The following SLC4A7 variants were observed in gnomAD, a reference collection of about 807,000 sequenced individuals.
The protein encoded by SLC4A7 is solute carrier family 4 member 7.
Under a neutral mutation model 137.6 loss-of-function variants are expected in SLC4A7, and 51 were observed. That is an observed-to-expected ratio of 0.37 (90% CI 0.30 to 0.47). The LOEUF (loss-of-function observed/expected upper bound fraction) is 0.47, where lower values mean the gene tolerates loss of function less well. Ranked by LOEUF, SLC4A7 falls within the 20% of genes least tolerant of loss-of-function variation. The probability of loss-of-function intolerance (pLI) is 1.00; values close to 1 mark genes in which losing one functional copy is unlikely to be tolerated. For missense variants in SLC4A7, 1,247 were observed against 1,525.4 expected, an observed-to-expected ratio of 0.82 and a Z score of 3.04; for synonymous variants, 542 against 518.6, an observed-to-expected ratio of 1.05 and a Z score of -0.61.
chr3:27,395,141 CA>C (rs1386666742), intron 18 of SLC4A7, 26 bp from the exon 19 acceptor site: 1 of 1,529,934 alleles, frequency 6.5e-7, no homozygotes, highest in African/African-American at 1.4e-5. Context: ...ATATAATTTT[CA>C]AAAAGTCTCC....
At chr3:27,445,929 C>T (rs978660609) in intron 3 of SLC4A7, among the ~76,000 whole-genome samples, 4 of 46,782 alleles carry the variant, frequency 8.6e-5, no homozygotes, top group Non-Finnish European at 1.4e-4. Flanking sequence ...GAGGCTCAGT[C>T]TCAAAAAAAA....
chr3:27,409,577 T>C (rs751768296), intron 12 of SLC4A7, 47 bp from the exon 13 acceptor site: 5 of 1,477,420 alleles, frequency 3.4e-6, no homozygotes, highest in Non-Finnish European at 3.7e-6. Context: ...TAGAGGATTC[T>C]AGCTACTTCA....
chr3:27,478,017 G>T (rs1207327607), intron 1 of SLC4A7, among the ~76,000 whole-genome samples: 1 of 152,100 alleles, frequency 6.6e-6, no homozygotes, highest in Non-Finnish European at 1.5e-5. Flanking sequence ...CATTTCTCAT[G>T]TTCCTAATCA....
At chr3:27,456,861 A>G (rs2058442062) in intron 1 of SLC4A7, 1 of 1,383,606 alleles carries the variant, frequency 7.2e-7, no homozygotes, top group Non-Finnish European at 9.3e-7. Flanking sequence ...TTCCAAGCTA[A>G]TAACTACAAC....
chr3:27,474,439 T>C lies in SLC4A7; in HGVS notation c.60+9628A>G, dbSNP rs150307581. On this transcript the variant is annotated intron_variant, in intron 1 of 25. Transcript: ENST00000454389. Reference sequence around the variant, plus strand: ...CATTTTAAATATTTTGTCAAAATGGTTAAATCATTTAAAGGTAATCCCAGC... The same window carrying C: ...CATTTTAAATATTTTGTCAAAATGGCTAAATCATTTAAAGGTAATCCCAGC... Among the ~76,000 whole-genome samples the C allele has an allele frequency of 4.7e-3, 720 of 152,282 alleles. 2 individuals carry two copies. The highest frequency in any genetic ancestry group is 0.016 in the African/African-American group (657 of 41,552).
chr3:27,460,564 C>T (rs563240271), intron 1 of SLC4A7, among the ~76,000 whole-genome samples: 6 of 152,270 alleles, frequency 3.9e-5, no homozygotes, highest in Middle Eastern at 3.4e-3. Context: ...CTATTTCAAA[C>T]GCTAAAGTAA....
intron 1 of SLC4A7, among the ~76,000 whole-genome samples, chr3:27,464,198 A>G (rs920542751): frequency 1.3e-5 from 2 of 152,210 alleles, no homozygotes; most frequent in African/African-American, 4.8e-5. Flanking sequence ...TTGTTTTAAT[A>G]TCACATTGTC....
intron 13 of SLC4A7, among the ~76,000 whole-genome samples, chr3:27,405,785 T>C (rs935072096): frequency 1.6e-4 from 24 of 152,102 alleles, no homozygotes; most frequent in Non-Finnish European, 1.5e-4. Context: ...AAAAAATTTA[T>C]AGCAACCATA....
In SLC4A7 at chr3:27,418,658, A is replaced by C. The variant is rs764472316; in HGVS notation, c.1513-26T>G. 2.0e-6 allele frequency: 3 copies of C among 1,474,772 alleles called. No homozygotes were observed. In the Admixed American group the frequency reaches 5.8e-5, roughly 29 times the overall value. The allele number at this position is 1,474,772 out of a possible 1,614,324, so 91.4% of individuals were successfully genotyped here. The stretch of plus-strand genomic sequence containing the variant: ...CTAAGTGAAAAAAATATTGAGTAAA[A>C]GATTTTAAAGTTGAAAAAAATTTCT... On this transcript the variant is annotated intron_variant, in intron 10 of 25. Coordinates refer to ENST00000454389, the MANE Select transcript of SLC4A7 (RefSeq NM_001321103.2).
chr3:27,481,252 A>AT (rs35193546), intron 1 of SLC4A7, among the ~76,000 whole-genome samples: 45,127 of 152,000 alleles, frequency 0.3, 8,332 homozygotes, highest in East Asian at 0.74. Context: ...GACAAGTTAC[A>AT]TTTTTTCAAG....
chr3:27,454,328 T>C (rs2058275416), intron 1 of SLC4A7, among the ~76,000 whole-genome samples: 1 of 151,966 alleles, frequency 6.6e-6, no homozygotes, highest in African/African-American at 2.4e-5. Context: ...TAGCTGGGCG[T>C]GGTAGCGGGC....
intron 7 of SLC4A7, among the ~76,000 whole-genome samples, chr3:27,429,086 T>C (rs2055971386): frequency 6.6e-6 from 1 of 151,802 alleles, no homozygotes; most frequent in African/African-American, 2.4e-5. Flanking sequence ...GCCAACATGG[T>C]GAAACCCCGT....
At chr3:27,459,643 T>C (rs1276161026) in intron 1 of SLC4A7, among the ~76,000 whole-genome samples, 1 of 152,170 alleles carries the variant, frequency 6.6e-6, no homozygotes, top group Admixed American at 6.5e-5. Flanking sequence ...CTTACTGTTT[T>C]ATATATAACT....
Position 27,404,968 on chromosome 3 carries a change from T to C in SLC4A7, c.1942-5A>G. On this transcript the variant is annotated splice_polypyrimidine_tract_variant and splice_region_variant and intron_variant, in intron 13 of 25. Coordinates refer to ENST00000454389, the MANE Select transcript of SLC4A7 (RefSeq NM_001321103.2). ...AAAAAGAGACTCTATTGCACTCTGT[T>C]TAAGGAAAAAAGAAATGAATAAAAG... 1 of 1,560,584 alleles carries C rather than the reference T, an allele frequency of 6.4e-7. No homozygotes were observed. The highest frequency in any genetic ancestry group is 8.6e-7 in the Non-Finnish European group (1 of 1,161,814).
At chr3:27,386,760 T>C (rs895601298) in intron 22 of SLC4A7, among the ~76,000 whole-genome samples, 10 of 152,244 alleles carry the variant, frequency 6.6e-5, no homozygotes, top group African/African-American at 9.6e-5. Flanking sequence ...TACACTTGGG[T>C]TTTCCTATCT....
At chr3:27,471,663 C>T (rs565050738) in intron 1 of SLC4A7, among the ~76,000 whole-genome samples, 61 of 152,268 alleles carry the variant, frequency 4.0e-4, no homozygotes, top group African/African-American at 1.4e-3. Flanking sequence ...TGAGCCACCG[C>T]GCCCAGCTTC....
chr3:27,422,910 G>T, intron 8 of SLC4A7: 1 of 410,002 alleles, frequency 2.4e-6, no homozygotes, highest in South Asian at 1.7e-5. Context: ...CTGTGACAGA[G>T]GAACAAAAAT....
intron 7 of SLC4A7, among the ~76,000 whole-genome samples, chr3:27,429,407 A>G (rs1277274189): frequency 6.6e-6 from 1 of 152,224 alleles, no homozygotes; most frequent in Non-Finnish European, 1.5e-5. Flanking sequence ...TTAAAGATAA[A>G]TAACAGCATG....
intron 7 of SLC4A7, among the ~76,000 whole-genome samples, chr3:27,427,268 C>T (rs2055734278): frequency 1.3e-5 from 2 of 151,844 alleles, no homozygotes; most frequent in South Asian, 4.2e-4. Context: ...AGATTGAGAA[C>T]CACTGAGTTA....
Sources: allele counts gnomAD v4.1 joint callset (sites outside exome capture counted in the v4.1 genomes callset), GRCh38; gene constraint gnomAD v4.1.1; transcripts MANE v1.5; gene names NCBI Gene and HGNC (gene_info 2026-07-23, HGNC 2026-07-21).